TMEFF2: variants seen among roughly 807,000 people sequenced by gnomAD.
TMEFF2 encodes transmembrane protein with EGF like and two follistatin like domains 2.
A neutral mutation model predicts 53.8 loss-of-function variants in TMEFF2; 28 were observed. That is an observed-to-expected ratio of 0.52 (90% CI 0.39 to 0.71). TMEFF2 has a LOEUF of 0.71. Ranked by LOEUF, TMEFF2 falls within the 30% of genes least tolerant of loss-of-function variation. The pLI, the probability that TMEFF2 is intolerant of heterozygous loss-of-function variation, is 0.00. For synonymous variants in TMEFF2, 162 were observed against 166.3 expected (o/e 0.97, Z 0.20); for missense variants, 353 against 455.2 (o/e 0.78, Z 2.04).
At chr2:192,103,208 G>T (rs1397747557) in intron 4 of TMEFF2, among the ~76,000 whole-genome samples, 1 of 152,034 alleles carries the variant, frequency 6.6e-6, no homozygotes, top group Non-Finnish European at 1.5e-5. Flanking sequence ...GTTTATCCCT[G>T]CTCCCAAGGA....
At chr2:192,037,273 T>TAAAAGAAAGAAAAG (rs568551324) in intron 5 of TMEFF2, among the ~76,000 whole-genome samples, 1 of 94,736 alleles carries the variant, frequency 1.1e-5, no homozygotes, top group Non-Finnish European at 2.0e-5. Flanking sequence ...CTAGCCAAAA[T>TAAAAGAAAGAAAAG]AAAGAAAGAA....
chr2:192,049,249 T>C (rs1310475296), intron 5 of TMEFF2, among the ~76,000 whole-genome samples: 2 of 152,052 alleles, frequency 1.3e-5, no homozygotes, highest in African/African-American at 4.8e-5. Context: ...GAGCATGGAG[T>C]CTGCCTGGCT....
chr2:192,072,820 A>G (rs1688322180), intron 4 of TMEFF2, among the ~76,000 whole-genome samples: 1 of 151,956 alleles, frequency 6.6e-6, no homozygotes, highest in South Asian at 2.1e-4. Context: ...GATTTAGTCT[A>G]TATAGTAGTC....
intron 3 of TMEFF2, 24 bp from the exon 4 acceptor site, chr2:192,179,718 G>A: frequency 6.6e-7 from 1 of 1,517,154 alleles, no homozygotes; most frequent in Non-Finnish European, 8.7e-7. Context: ...AGTTATATTT[G>A]CTAGTAAAAC....
At chr2:192,168,654 T>C (rs911352137) in intron 4 of TMEFF2, among the ~76,000 whole-genome samples, 3 of 152,106 alleles carry the variant, frequency 2.0e-5, no homozygotes, top group African/African-American at 4.8e-5. Flanking sequence ...ATTTTTTTAT[T>C]GTTGTTGCTG....
intron 5 of TMEFF2, among the ~76,000 whole-genome samples, chr2:192,048,825 A>T (rs893873936): frequency 1.3e-5 from 2 of 152,196 alleles, no homozygotes; most frequent in Non-Finnish European, 2.9e-5. Context: ...GAAGCAGCTA[A>T]AAAAACCTCA....
At chr2:192,095,588 AAAC>A (rs768956734) in intron 4 of TMEFF2, among the ~76,000 whole-genome samples, 89 of 152,318 alleles carry the variant, frequency 5.8e-4, no homozygotes, top group Non-Finnish European at 8.4e-4. Context: ...AAAAATAAAG[AAAC>A]AACAACAACA....
At chr2:192,003,944 A>C (rs1344916682) in intron 5 of TMEFF2, among the ~76,000 whole-genome samples, 22 of 144,412 alleles carry the variant, frequency 1.5e-4, no homozygotes, top group Non-Finnish European at 2.0e-4. Flanking sequence ...GGGGGCTCAC[A>C]CTCACCTCCA....
chr2:192,176,610 G>C (rs1271247458), intron 4 of TMEFF2: 2 of 151,072 alleles, frequency 1.3e-5, no homozygotes, highest in Non-Finnish European at 3.0e-5. Context: ...TGAATAAATA[G>C]GTCAATGGTT....
intron 9 of TMEFF2, among the ~76,000 whole-genome samples, chr2:191,952,195 A>C (rs923122068): frequency 6.4e-4 from 97 of 152,342 alleles, no homozygotes; most frequent in African/African-American, 2.2e-3. Context: ...GTATACACAT[A>C]TACGATACAC....
intron 4 of TMEFF2, among the ~76,000 whole-genome samples, chr2:192,122,198 G>GA (rs1308612548): frequency 3.3e-5 from 5 of 151,874 alleles, no homozygotes; most frequent in Non-Finnish European, 5.9e-5. Flanking sequence ...AAACTCAATG[G>GA]AAAAAATATG....
chr2:191,991,076 T>C (rs1559074710), intron 7 of TMEFF2, among the ~76,000 whole-genome samples: 1 of 152,122 alleles, frequency 6.6e-6, no homozygotes, highest in African/African-American at 2.4e-5. Context: ...GTGATCTAAA[T>C]ATACCATACA....
chr2:192,135,841 A>C (rs1329784953), intron 4 of TMEFF2, among the ~76,000 whole-genome samples: 4 of 151,678 alleles, frequency 2.6e-5, no homozygotes, highest in Non-Finnish European at 5.9e-5. Context: ...GCCCCACCTT[A>C]ACTGAGTGAT....
In TMEFF2 at chr2:192,194,344, T is replaced by C; in HGVS notation, c.172+9A>G. On this transcript the variant is annotated intron_variant, in intron 1 of 9. Transcript: ENST00000272771. The surrounding 1 kb of genome is among the most constrained non-coding windows in gnomAD (Gnocchi z 4.2). ...GTTAAAGGGTCGGGGACGGGGGTTC[T>C]GGACTTACCAGAGCAATTCCAGCCG... 2 of 1,613,916 alleles carry C rather than the reference T, an allele frequency of 1.2e-6. No homozygotes were observed. The highest frequency in any genetic ancestry group is 1.7e-5 in the Admixed American group (1 of 60,016).
chr2:191,997,231 A>G lies in TMEFF2; in HGVS notation c.745+1031T>C, dbSNP rs186541890. ...ATTTCTGTCTTATAGCACATAAAAA[A>G]TCCATCTACATATTGAAAAACATTA... On this transcript the variant is annotated intron_variant, in intron 7 of 9. Coordinates refer to ENST00000272771, the MANE Select transcript of TMEFF2 (RefSeq NM_016192.4). 5.5e-3 allele frequency among the ~76,000 whole-genome samples: 840 copies of G among 152,052 alleles called. 7 individuals carry two copies. Among genetic ancestry groups the G allele is most frequent in the African/African-American group, 0.02 (811 of 41,554 alleles).
rs754303159 is a variant in TMEFF2, at chr2:191,950,324, G to A, written c.1112C>T (p.Thr371Met). ...YSSDNTTRAS[T>M]RLI Reference sequence around the variant, plus strand: ...AACATGCTCCCTTTAGATTAACCTCGTGGACGCTCTTGTTGTATTGTCTGA... The same window carrying A: ...AACATGCTCCCTTTAGATTAACCTCATGGACGCTCTTGTTGTATTGTCTGA... The change falls in exon 10 of 10, where the codon ACG becomes ATG. Residue 371 changes from threonine to methionine, a missense_variant. Physicochemically the swap from Thr to Met is moderately conservative, Grantham distance 81. Transcript: ENST00000272771. The A allele has an allele frequency of 5.0e-6, 8 of 1,613,284 alleles. No individual in the cohort carries two copies. The highest frequency in any genetic ancestry group is 2.7e-5 in the African/African-American group (2 of 74,682).
In TMEFF2 at chr2:191,999,121, G is replaced by C. The variant is rs372989384; in HGVS notation, c.624C>G (p.Ile208Met). ...DGKSYDNACQ[I>M]KEASCQKQEK... ...CCTGTTTCTGACACGATGCTTCTTT[G>C]ATTTGGCATGCATTATCATAAGATT... Residue 208 changes from isoleucine (I) to methionine (M), a missense_variant, in exon 6 of 10, where the codon ATC (isoleucine) becomes ATG (methionine). Transcript: ENST00000272771. The C allele has an allele frequency of 4.0e-5, 65 of 1,612,242 alleles. No homozygotes were observed. Among genetic ancestry groups the C allele is most frequent in the Non-Finnish European group, 5.3e-5 (62 of 1,178,798 alleles).
At chr2:192,180,954 T>C (rs1179458412) in intron 3 of TMEFF2, among the ~76,000 whole-genome samples, 1 of 151,836 alleles carries the variant, frequency 6.6e-6, no homozygotes, top group East Asian at 1.9e-4. Context: ...TAACTATTAA[T>C]GTGACAGGAC....
intron 4 of TMEFF2, among the ~76,000 whole-genome samples, chr2:192,092,014 A>G (rs935132050): frequency 7.9e-5 from 12 of 151,896 alleles, no homozygotes; most frequent in African/African-American, 2.7e-4. Flanking sequence ...TCAGAAACTT[A>G]AACAACTGAT....
Sources: gnomAD v4.1 joint callset for allele counts (sites outside exome capture counted in the v4.1 genomes callset) on GRCh38, gnomAD v4.1.1 for gene constraint, Gnocchi (gnomAD v3.1) non-coding constraint, MANE v1.5 for transcripts, NCBI Gene and HGNC (gene_info 2026-07-23, HGNC 2026-07-21) for gene names.